CCBE1: variants seen among roughly 807,000 people sequenced by gnomAD.
CCBE1 encodes the protein collagen and calcium binding EGF domains 1.
A neutral mutation model predicts 50.0 loss-of-function variants in CCBE1; 37 were observed. The observed-to-expected ratio is 0.74, with a 90% CI of 0.57 to 0.97. The LOEUF is 0.97. CCBE1 is among the 50% of genes least tolerant of loss of function. The pLI is 0.00. For synonymous variants in CCBE1, 234 were observed against 203.7 expected (o/e 1.15, Z -1.27); for missense variants, 538 against 523.8 (o/e 1.03, Z -0.26).
chr18:59,524,612 T>A (rs1395117230), intron 2 of CCBE1, among the ~76,000 whole-genome samples: 1 of 152,224 alleles, frequency 6.6e-6, no homozygotes, highest in Non-Finnish European at 1.5e-5. Context: ...TTACCTTTTT[T>A]AAAGTTCCAA....
At chr18:59,629,562 G>A (rs1319404032) in intron 2 of CCBE1, among the ~76,000 whole-genome samples, 4 of 152,212 alleles carry the variant, frequency 2.6e-5, no homozygotes, top group African/African-American at 4.8e-5. Flanking sequence ...GCCCAGCACA[G>A]AGTGAGTTCC....
At chr18:59,689,656 T>C (rs1253526215) in intron 2 of CCBE1, among the ~76,000 whole-genome samples, 2 of 152,222 alleles carry the variant, frequency 1.3e-5, no homozygotes, top group Non-Finnish European at 2.9e-5. Context: ...ATGCCTTCTT[T>C]AAAACTCTGC....
intron 2 of CCBE1, among the ~76,000 whole-genome samples, chr18:59,644,638 T>C (rs1298297074): frequency 6.6e-6 from 1 of 152,264 alleles, no homozygotes; most frequent in Non-Finnish European, 1.5e-5. Flanking sequence ...ATTTGGTAGA[T>C]AAAAGTTTAT....
rs1910995664 is a variant in CCBE1 at position 59,452,653 on chromosome 18, T to C, written c.654+2198A>G. On this transcript the variant is annotated intron_variant, in intron 6 of 10. Transcript: ENST00000439986. ...TCAAACACTGGCACAGGAGTAGAAA[T>C]GAGAGGACCTAGGTTTTAGGCCTGC... is the stretch of plus-strand genomic sequence containing the variant. Among the ~76,000 whole-genome samples the C allele has an allele frequency of 2.6e-5, 4 of 152,250 alleles. No individual in the cohort carries two copies. The South Asian group carries it at 8.3e-4, about 32-fold the overall frequency.
chr18:59,541,939 G>T (rs544034859), intron 2 of CCBE1, among the ~76,000 whole-genome samples: 4 of 152,174 alleles, frequency 2.6e-5, no homozygotes, highest in African/African-American at 9.7e-5. Flanking sequence ...CACTTTGGGA[G>T]GCTGAAGTGG....
intron 2 of CCBE1, among the ~76,000 whole-genome samples, chr18:59,606,978 C>T (rs922525538): frequency 2.0e-5 from 3 of 150,572 alleles, no homozygotes; most frequent in Non-Finnish European, 2.9e-5. Flanking sequence ...CGAGTCATGT[C>T]TGTATCCCCA....
chr18:59,580,693 C>G (rs147103099), intron 2 of CCBE1, among the ~76,000 whole-genome samples: 51 of 152,284 alleles, frequency 3.3e-4, no homozygotes, highest in African/African-American at 1.2e-3. Context: ...GGTGGGGGAT[C>G]CTGACCCAGT....
intron 2 of CCBE1, among the ~76,000 whole-genome samples, chr18:59,646,044 A>G (rs200193619): frequency 1.3e-5 from 2 of 148,932 alleles, no homozygotes; most frequent in Non-Finnish European, 3.0e-5. Context: ...AAAAAAAAAG[A>G]AAAAAAAAAG....
At chr18:59,619,207 CGTTTT>C (rs1334024528) in intron 2 of CCBE1, among the ~76,000 whole-genome samples, 10 of 152,084 alleles carry the variant, frequency 6.6e-5, no homozygotes, top group Non-Finnish European at 1.0e-4. Flanking sequence ...AATTTTAAAA[CGTTTT>C]ATTTTTCCAT....
intron 2 of CCBE1, among the ~76,000 whole-genome samples, chr18:59,481,372 G>A (rs762727703): frequency 6.6e-6 from 1 of 152,144 alleles, no homozygotes; most frequent in South Asian, 2.1e-4. Flanking sequence ...AGTTGTAGAG[G>A]GAGAGGAGAC....
intron 2 of CCBE1, among the ~76,000 whole-genome samples, chr18:59,559,836 G>T (rs917988452): frequency 6.6e-6 from 1 of 152,230 alleles, no homozygotes; most frequent in Non-Finnish European, 1.5e-5. Flanking sequence ...CATGCCTGAA[G>T]ATATTCTGGG....
intron 2 of CCBE1, among the ~76,000 whole-genome samples, chr18:59,523,537 A>G (rs1453613531): frequency 1.3e-5 from 2 of 152,166 alleles, no homozygotes; most frequent in Non-Finnish European, 2.9e-5. Context: ...CACAGCAGTG[A>G]GCCAGTGTCT....
chr18:59,464,569 G>A (rs1417781362), intron 5 of CCBE1, among the ~76,000 whole-genome samples: 1 of 152,240 alleles, frequency 6.6e-6, no homozygotes, highest in African/African-American at 2.4e-5. Context: ...CAGGCTTTAA[G>A]AAGTGTCACC....
intron 2 of CCBE1, among the ~76,000 whole-genome samples, chr18:59,579,007 G>A (rs911098133): frequency 3.3e-5 from 5 of 152,152 alleles, no homozygotes; most frequent in Admixed American, 6.5e-5. Context: ...AAAAGTCACA[G>A]TACAAACATA....
intron 5 of CCBE1, 191 bp from the exon 6 acceptor site, chr18:59,455,142 A>G: frequency 3.0e-6 from 2 of 676,648 alleles, no homozygotes; most frequent in Admixed American, 4.1e-5. Flanking sequence ...AGGGGAGGAC[A>G]GAGGGAGAGG....
At chr18:59,553,882 ACAAAGCAT>A (rs1275287946) in intron 2 of CCBE1, among the ~76,000 whole-genome samples, 2 of 152,260 alleles carry the variant, frequency 1.3e-5, no homozygotes, top group African/African-American at 4.8e-5. Context: ...TTTGTGTATT[ACAAAGCAT>A]GGCCAATAGC....
chr18:59,641,979 CTT>C (rs1273993001), intron 2 of CCBE1, among the ~76,000 whole-genome samples: 1 of 151,910 alleles, frequency 6.6e-6, no homozygotes, highest in African/African-American at 2.4e-5. Context: ...AACTACAAAA[CTT>C]TAGGAGAGAA....
At chr18:59,597,024 T>C (rs1312713391) in intron 2 of CCBE1, among the ~76,000 whole-genome samples, 1 of 152,250 alleles carries the variant, frequency 6.6e-6, no homozygotes, top group Non-Finnish European at 1.5e-5. Flanking sequence ...GTATACTTTA[T>C]TCAATAATCA....
intron 5 of CCBE1, among the ~76,000 whole-genome samples, chr18:59,459,834 G>A (rs1911375555): frequency 6.6e-6 from 1 of 152,188 alleles, no homozygotes; most frequent in South Asian, 2.1e-4. Context: ...GGGATGGCAA[G>A]GCAACAGTAT....
Sources: gnomAD v4.1 joint callset for allele counts (sites outside exome capture counted in the v4.1 genomes callset) on GRCh38, gnomAD v4.1.1 for gene constraint, MANE v1.5 for transcripts, NCBI Gene and HGNC (gene_info 2026-07-23, HGNC 2026-07-21) for gene names.